Variants in SOX5 observed in about 807,000 individuals in gnomAD.
SOX5 encodes the protein transcription factor SOX-5.
SOX5 carries 9 observed loss-of-function variants against 92.0 expected under a neutral mutation model. The ratio of observed to expected loss-of-function variants is 0.10; its 90% confidence interval spans 0.06 to 0.17. SOX5 has a LOEUF of 0.17. Ranked by LOEUF, SOX5 falls within the 10% of genes least tolerant of loss-of-function variation. SOX5 has a pLI of 1.00. For synonymous variants in SOX5, 344 were observed against 336.3 expected (o/e 1.02, Z -0.25); for missense variants, 642 against 944.5 (o/e 0.68, Z 4.20).
At chr12:23,798,576 T>G (rs1360252381) in intron 3 of SOX5, among the ~76,000 whole-genome samples, 4 of 148,964 alleles carry the variant, frequency 2.7e-5, no homozygotes, top group African/African-American at 9.9e-5. Flanking sequence ...ATCCCATTTT[T>G]ATTCCTAAAA....
rs879335260 is a variant in SOX5, at chr12:23,902,718, T to C, written c.39-6694A>G. On this transcript the variant is annotated intron_variant, in intron 1 of 14. Transcript: ENST00000451604. ...TGTAAATTTTTTTCAAGTACAGTTC[T>C]GTTTTTGACCATTTCACTTTATGTC... Among the ~76,000 whole-genome samples the C allele has an allele frequency of 7.2e-5, 11 of 152,206 alleles. No homozygotes were observed. The South Asian group carries it at 1.9e-3, about 26-fold the overall frequency.
intron 4 of SOX5, among the ~76,000 whole-genome samples, chr12:23,962,107 A>T (rs1355297183): frequency 6.6e-6 from 1 of 152,026 alleles, no homozygotes; most frequent in Admixed American, 6.6e-5. Flanking sequence ...TGAAGTGTGT[A>T]AAAAAAAGTG....
intron 4 of SOX5, among the ~76,000 whole-genome samples, chr12:24,065,702 T>C (rs897397285): frequency 2.0e-5 from 3 of 150,142 alleles, no homozygotes; most frequent in African/African-American, 7.4e-5. Flanking sequence ...AAATAATCAC[T>C]AAATGAGTTC....
At chr12:23,623,310 T>C (rs569894638) in intron 8 of SOX5, among the ~76,000 whole-genome samples, 1 of 152,316 alleles carries the variant, frequency 6.6e-6, no homozygotes, top group South Asian at 2.1e-4. Flanking sequence ...TTATAAACAC[T>C]GATATATTTT....
intron 1 of SOX5, among the ~76,000 whole-genome samples, chr12:23,930,938 C>T (rs1349859476): frequency 6.6e-6 from 1 of 151,744 alleles, no homozygotes; most frequent in African/African-American, 2.4e-5. Flanking sequence ...TTGTGTTCTA[C>T]CATAACACCT....
intron 3 of SOX5, among the ~76,000 whole-genome samples, chr12:24,216,386 G>A (rs937095606): frequency 1.9e-4 from 29 of 152,056 alleles, no homozygotes; most frequent in African/African-American, 5.6e-4. Flanking sequence ...CCGGAGGCTG[G>A]GGCAGGAGAA....
At chr12:23,612,003 A>G (rs896296665) in intron 8 of SOX5, among the ~76,000 whole-genome samples, 1 of 152,028 alleles carries the variant, frequency 6.6e-6, no homozygotes, top group African/African-American at 2.4e-5. Context: ...ACTGATTCCT[A>G]AAGATAATTT....
At chr12:23,570,930 A>AAAAAT (rs1948199282) in intron 10 of SOX5, among the ~76,000 whole-genome samples, 2 of 19,938 alleles carry the variant, frequency 1.0e-4, no homozygotes, top group Non-Finnish European at 1.7e-4. Context: ...AAAAAAAAAA[A>AAAAAT]ATATATATAT....
intron 4 of SOX5, among the ~76,000 whole-genome samples, chr12:23,984,134 T>C (rs1330336008): frequency 6.6e-6 from 1 of 152,154 alleles, no homozygotes; most frequent in Non-Finnish European, 1.5e-5. Context: ...TAACTTTCTA[T>C]TGAAAACACC....
chr12:24,118,631 G>T (rs936729460), intron 4 of SOX5, among the ~76,000 whole-genome samples: 1 of 152,006 alleles, frequency 6.6e-6, no homozygotes, highest in Non-Finnish European at 1.5e-5. Flanking sequence ...TTATTCAATT[G>T]TAGGCAGGAA....
chr12:24,457,131 TAG>T (rs1943107857), intron 1 of SOX5, among the ~76,000 whole-genome samples: 1 of 152,158 alleles, frequency 6.6e-6, no homozygotes, highest in South Asian at 2.1e-4. Context: ...ACATTCCAAA[TAG>T]AGTTCTCAAC....
At chr12:23,641,824 A>G (rs1463725430) in intron 7 of SOX5, among the ~76,000 whole-genome samples, 1 of 152,218 alleles carries the variant, frequency 6.6e-6, no homozygotes, top group Non-Finnish European at 1.5e-5. Flanking sequence ...TGCATAAAAC[A>G]TTTTGTAGAA....
chr12:24,178,244 CTTTTTTTTT>C (rs5797065), intron 4 of SOX5, among the ~76,000 whole-genome samples: 1 of 109,574 alleles, frequency 9.1e-6, no homozygotes, highest in African/African-American at 3.7e-5. Context: ...AAGAGCTTGA[CTTTTTTTTT>C]TTTTTTTTTT....
chr12:23,945,335 A>G (rs1944395267), intron 1 of SOX5, among the ~76,000 whole-genome samples: 2 of 151,724 alleles, frequency 1.3e-5, no homozygotes, highest in Admixed American at 1.3e-4. Context: ...TTTGAGAAAC[A>G]TAAGATAAGG....
chr12:23,729,549 G>C (rs989278), intron 6 of SOX5, among the ~76,000 whole-genome samples: 114,720 of 152,070 alleles, frequency 0.75, 43,319 homozygotes, highest in East Asian at 0.79. Context: ...TGACCCAAAG[G>C]TATGACTAGT....
At chr12:24,169,420 T>A (rs1317152775) in intron 4 of SOX5, among the ~76,000 whole-genome samples, 1 of 152,208 alleles carries the variant, frequency 6.6e-6, no homozygotes, top group Non-Finnish European at 1.5e-5. Flanking sequence ...AAATTCAAGC[T>A]GTTATATAGT....
chr12:24,260,188 C>G (rs1941879332), intron 3 of SOX5, among the ~76,000 whole-genome samples: 1 of 152,150 alleles, frequency 6.6e-6, no homozygotes. Context: ...AACAGGCACA[C>G]TGGAGAAGAG....
chr12:24,265,373 C>G (rs924724339), intron 3 of SOX5, among the ~76,000 whole-genome samples: 2 of 152,006 alleles, frequency 1.3e-5, no homozygotes, highest in African/African-American at 4.8e-5. Context: ...AACACTCCGT[C>G]TCTACAAAAA....
chr12:23,934,792 C>T (rs1656525444), intron 1 of SOX5, among the ~76,000 whole-genome samples: 2 of 151,098 alleles, frequency 1.3e-5, no homozygotes, highest in African/African-American at 2.4e-5. Flanking sequence ...CTAAGATGAC[C>T]TATAATATGG....
Sources: allele counts gnomAD v4.1 joint callset (sites outside exome capture counted in the v4.1 genomes callset), GRCh38; gene constraint gnomAD v4.1.1; transcripts MANE v1.5; gene names NCBI Gene and HGNC (gene_info 2026-07-23, HGNC 2026-07-21).